SYNE1: variants seen among roughly 807,000 people sequenced by gnomAD.
The protein encoded by SYNE1 is spectrin repeat containing nuclear envelope protein 1.
A neutral mutation model predicts 1,111.0 loss-of-function variants in SYNE1; 616 were observed. The observed-to-expected ratio is 0.55, with a 90% confidence interval of 0.52 to 0.59. The LOEUF (loss-of-function observed/expected upper bound fraction) is 0.59. Among genes scored for constraint, SYNE1 ranks in the 20% least tolerant of loss-of-function variants. The pLI is 0.00. For missense variants in SYNE1, 10,006 were observed against 10,417.0 expected (o/e 0.96, Z 1.72); for synonymous variants, 3,855 against 3,825.8 (o/e 1.01, Z -0.28).
rs1448329995 is a variant in SYNE1, at chr6:152,151,995, C to T, written c.24276G>A (p.Leu8092=). 3.7e-6 allele frequency: 6 copies of T among 1,614,060 alleles called. No individual in the cohort carries two copies. Among genetic ancestry groups the T allele is most frequent in the African/African-American group, 2.7e-5 (2 of 74,928 alleles). ...VHEGNQRWDN[L]QKRVTSILRR... is the part of the protein sequence containing the mutation. ...GCAAGATGGAGGTGACACGCTTTTG[C>T]AGGTTGTCCCATCTCTGGTTGCCTT... The change falls in exon 134 of 146, where the codon CTG becomes CTA. Residue 8092 remains leucine, a synonymous_variant. Coordinates refer to ENST00000367255, the MANE Select transcript of SYNE1 (RefSeq NM_182961.4).
Position 152,206,156 on chromosome 6 carries a change from A to G in SYNE1, c.23019+12T>C, listed in dbSNP as rs777198374. On this transcript the variant is annotated intron_variant, in intron 126 of 145. Coordinates refer to ENST00000367255, the MANE Select transcript of SYNE1 (RefSeq NM_182961.4). The stretch of plus-strand genomic sequence containing the variant: ...AGGGTTTTTTGGTTCGTTTTTTTCT[A>G]ACTGAACTTACTTTCAACAAGAAGG... The G allele has an allele frequency of 3.7e-6, 6 of 1,612,772 alleles. No homozygotes were observed. Among genetic ancestry groups the G allele is most frequent in the African/African-American group, 2.7e-5 (2 of 74,908 alleles).
chr6:152,429,409 A>T (rs1422438892), intron 36 of SYNE1, among the ~76,000 whole-genome samples: 1 of 152,192 alleles, frequency 6.6e-6, no homozygotes, highest in East Asian at 1.9e-4. Context: ...ATTACAAATA[A>T]GTAACGCAAA....
Position 152,409,163 on chromosome 6 carries a change from CT to C in SYNE1, c.6444del (p.Gly2149GlufsTer8). ...KQKDLDNFTSKGKHLLSELKK... is the reference protein window; with the variant it reads ...KQKDLDNFTSXGKHLLSELKK... ...TTCAGCTCAGATAACAAGTGTTTTC[CT>C]TTGCTGGTAAAGTTATCCAAGTCTT... On this transcript the variant is annotated frameshift_variant, in exon 44 of 146. Coordinates refer to ENST00000367255, the MANE Select transcript of SYNE1 (RefSeq NM_182961.4). LOFTEE classifies it high-confidence loss of function. The C allele has an allele frequency of 6.2e-7, 1 of 1,614,100 alleles. No individual in the cohort carries two copies. The highest frequency in any genetic ancestry group is 1.1e-5 in the South Asian group (1 of 91,082).
At chr6:152,391,763 A>G (rs1175774391) in intron 51 of SYNE1, among the ~76,000 whole-genome samples, 195 bp from the exon 52 acceptor site, 1 of 152,018 alleles carries the variant, frequency 6.6e-6, no homozygotes, top group East Asian at 1.9e-4. Flanking sequence ...TGTTGTCAGT[A>G]CCTATCAGGG....
intron 17 of SYNE1, 136 bp downstream of exon 17, chr6:152,465,846 G>A: frequency 1.5e-6 from 1 of 680,890 alleles, no homozygotes; most frequent in Admixed American, 2.2e-5. Flanking sequence ...ACTGAATCCA[G>A]TATGTGTTCT....
Position 152,462,752 on chromosome 6 carries a change from T to G in SYNE1, c.2236A>C (p.Ile746Leu). 1 of 1,614,062 alleles carries G rather than the reference T, an allele frequency of 6.2e-7. No homozygotes were observed. Among genetic ancestry groups the G allele is most frequent in the Non-Finnish European group, 8.5e-7 (1 of 1,179,950 alleles). Residue 746 changes from isoleucine to leucine, a missense_variant, in exon 20 of 146, where the codon ATT becomes CTT. Ile to Leu is a conservative substitution (Grantham distance 5). Transcript: ENST00000367255. ...AAACCCCTCACCTCCAAGTCTTGAA[T>G]TAATAGCTTGACATTCATAAAAGAG... is the stretch of plus-strand genomic sequence containing the variant. ...EVSFMNVKLL[I>L]QDLEDIEQRV...
chr6:152,605,198 A>G (rs2099611625), intron 3 of SYNE1, among the ~76,000 whole-genome samples: 1 of 152,124 alleles, frequency 6.6e-6, no homozygotes, highest in Non-Finnish European at 1.5e-5. Context: ...ACTATATTTT[A>G]TAAAGAATAT....
intron 74 of SYNE1, among the ~76,000 whole-genome samples, chr6:152,341,744 C>T (rs530707926): frequency 1.2e-4 from 19 of 152,216 alleles, no homozygotes; most frequent in Non-Finnish European, 2.4e-4. Context: ...CATTTAATGT[C>T]GTCAGCAGAT....
intron 84 of SYNE1, chr6:152,319,847 A>AAAAC (rs143271254): frequency 1.3e-5 from 2 of 152,178 alleles, no homozygotes; most frequent in Non-Finnish European, 2.9e-5. Context: ...TTTAACTAAA[A>AAAAC]AAACAAACAA....
chr6:152,233,840 C>T lies in SYNE1; in HGVS notation c.20653G>A (p.Asp6885Asn), dbSNP rs1467143877. Residue 6885 changes from aspartate to asparagine, a missense_variant, in exon 112 of 146, where the codon GAT becomes AAT. This residue lies in a region of SYNE1 where 2,182 missense variants were observed against 2,287.8 expected (regional missense o/e 0.95). Coordinates refer to ENST00000367255, the MANE Select transcript of SYNE1 (RefSeq NM_182961.4). ...GTTAGCAGGTCAGTCCACTGGCTAT[C>T]AATGCGCGACAGCTCAGAGCGCAGC... ...ATLRSELSRI[D>N]SQWTDLLTNI... 6.2e-7 allele frequency: 1 copy of T among 1,614,072 alleles called. No homozygotes were observed. The highest frequency in any genetic ancestry group is 1.7e-5 in the Admixed American group (1 of 60,010).
chr6:152,615,102 C>T (rs140780771), intron 3 of SYNE1, among the ~76,000 whole-genome samples: 17 of 152,138 alleles, frequency 1.1e-4, no homozygotes, highest in Non-Finnish European at 2.2e-4. Flanking sequence ...CACATGTACC[C>T]TTTATTAAAG....
At position 152,148,399 on chromosome 6, in the gene SYNE1, AC is replaced by A. The variant is rs2059869693; in HGVS notation, c.24643-22del. The A allele has an allele frequency of 6.2e-7, 1 of 1,609,056 alleles. No homozygotes were observed. The highest frequency in any genetic ancestry group is 8.5e-7 in the Non-Finnish European group (1 of 1,178,036). On this transcript the variant is annotated intron_variant, in intron 136 of 145. Coordinates refer to ENST00000367255, the MANE Select transcript of SYNE1 (RefSeq NM_182961.4). The surrounding 1 kb of genome is among the most constrained non-coding windows in gnomAD (Gnocchi z 4.1). ...GGGAGCTAGAAGGGAAGTCAAGGCA[AC>A]CCTGTCACTGTAGTGGTCAGACTAG...
chr6:152,451,166 T>C lies in SYNE1; in HGVS notation c.3067A>G (p.Lys1023Glu). Residue 1023 changes from lysine (K) to glutamate (E), a missense_variant, in exon 26 of 146, where the codon AAG becomes GAG. Coordinates refer to ENST00000367255, the MANE Select transcript of SYNE1 (RefSeq NM_182961.4). The part of the protein sequence containing the change: ...GEAPYHLLHL[K>E]IDVEKNRFLA... ...AACCTATTCTTCTCCACATCAATCT[T>C]CAGATGAAGCAAATGATAAGGGGCT... 1 of 1,613,970 alleles carries C rather than the reference T, an allele frequency of 6.2e-7. No individual in the cohort carries two copies. Among genetic ancestry groups the C allele is most frequent in the Non-Finnish European group, 8.5e-7 (1 of 1,179,998 alleles).
chr6:152,268,590 T>C (rs2092937210), intron 99 of SYNE1, among the ~76,000 whole-genome samples: 1 of 152,206 alleles, frequency 6.6e-6, no homozygotes, highest in Admixed American at 6.5e-5. Context: ...TTCTTCATTA[T>C]TTATAATAAA....
At chr6:152,256,494 C>T (rs1042863954) in intron 102 of SYNE1, 140 bp downstream of exon 102, 2 of 959,288 alleles carry the variant, frequency 2.1e-6, no homozygotes, top group African/African-American at 1.6e-5. Context: ...GTCCAGTGAT[C>T]TTTGTTTCAG....
At chr6:152,336,700 G>T (rs967073544) in intron 76 of SYNE1, 141 bp downstream of exon 76, 1 of 1,113,774 alleles carries the variant, frequency 9.0e-7, no homozygotes, top group African/African-American at 1.5e-5. Flanking sequence ...TGGGGCTTGG[G>T]GACCTCTGCC....
chr6:152,157,332 A>G (rs1371232378), intron 131 of SYNE1, among the ~76,000 whole-genome samples: 2 of 152,246 alleles, frequency 1.3e-5, no homozygotes, highest in African/African-American at 2.4e-5. Flanking sequence ...GTACAAAAAC[A>G]CAAATATCAC....
In SYNE1 at chr6:152,447,617, G is replaced by A; in HGVS notation, c.3510C>T (p.Ile1170=). Residue 1170 remains isoleucine (I), a synonymous_variant, in exon 29 of 146, where the codon ATC becomes ATT. Coordinates refer to ENST00000367255, the MANE Select transcript of SYNE1 (RefSeq NM_182961.4). ...HGEVKRAVEE[I]RNGVTKRGET... ...CACCCCTTTTGGTAACACCATTTCTGATCTCCTGAAATGAGAGAACACTTT... is the reference window on the plus strand; with the variant it reads ...CACCCCTTTTGGTAACACCATTTCTAATCTCCTGAAATGAGAGAACACTTT... 1 of 1,614,194 alleles carries A rather than the reference G, an allele frequency of 6.2e-7. No homozygotes were observed.
chr6:152,246,947 G>A (rs954924209), intron 105 of SYNE1, among the ~76,000 whole-genome samples: 1 of 152,120 alleles, frequency 6.6e-6, no homozygotes, highest in Non-Finnish European at 1.5e-5. Context: ...GTGTGAACAT[G>A]GTATAAGAAC....
Sources: allele counts gnomAD v4.1 joint callset (sites outside exome capture counted in the v4.1 genomes callset), GRCh38; gene constraint gnomAD v4.1.1; regional missense constraint gnomAD v4.1.1; non-coding constraint Gnocchi (gnomAD v3.1); transcripts MANE v1.5; gene names NCBI Gene and HGNC (gene_info 2026-07-23, HGNC 2026-07-21).